RPTOR: variants seen among roughly 807,000 people sequenced by gnomAD.
RPTOR encodes the protein regulatory-associated protein of mTOR.
A neutral mutation model predicts 169.9 loss-of-function variants in RPTOR; 21 were observed. That is an observed-to-expected ratio of 0.12 (90% CI 0.09 to 0.18). The LOEUF (loss-of-function observed/expected upper bound fraction) is 0.18. RPTOR is among the 10% of genes least tolerant of loss of function. The pLI is 1.00. For missense variants in RPTOR, 1,133 were observed against 1,855.9 expected (o/e 0.61, Z 7.16); for synonymous variants, 732 against 753.2 (o/e 0.97, Z 0.46).
intron 5 of RPTOR, among the ~76,000 whole-genome samples, chr17:80,748,458 G>A (rs186220436): frequency 8.2e-5 from 4 of 48,526 alleles, no homozygotes; most frequent in African/African-American, 5.0e-4. Context: ...GGATGGGGGG[G>A]CTGCGGTGTG....
At chr17:80,776,354 A>T (rs2066892277) in intron 6 of RPTOR, among the ~76,000 whole-genome samples, 1 of 113,586 alleles carries the variant, frequency 8.8e-6, no homozygotes, top group Admixed American at 1.3e-4. Context: ...ATGGAGTCTC[A>T]CTCTGTCTTC....
intron 3 of RPTOR, among the ~76,000 whole-genome samples, chr17:80,672,660 G>A (rs1351010708): frequency 3.3e-5 from 5 of 151,880 alleles, no homozygotes. Flanking sequence ...TGTGGTGACA[G>A]GCACCTGTAG....
intron 3 of RPTOR, among the ~76,000 whole-genome samples, chr17:80,649,835 A>T (rs2065625713): frequency 6.6e-6 from 1 of 152,142 alleles, no homozygotes; most frequent in Non-Finnish European, 1.5e-5. Flanking sequence ...TGCCGTGTTC[A>T]GTGAGAACTC....
chr17:80,921,675 G>A (rs572744171), intron 21 of RPTOR, among the ~76,000 whole-genome samples: 21 of 152,188 alleles, frequency 1.4e-4, no homozygotes, highest in Non-Finnish European at 2.8e-4. Context: ...CCCTGCAGGT[G>A]TCTGTGGCAG....
chr17:80,590,849 A>G lies in RPTOR; in HGVS notation c.163-34842A>G, dbSNP rs116359089. On this transcript the variant is annotated intron_variant, in intron 1 of 33. Coordinates refer to ENST00000306801, the MANE Select transcript of RPTOR (RefSeq NM_020761.3). ...ATATGAGTTTGAGGAGTGTTTTTCT[A>G]TTTTTTTTCTGCCTCTGGCTTTTAG... is the stretch of plus-strand genomic sequence containing the variant. Among the ~76,000 whole-genome samples, 1,262 of 149,136 alleles carry G rather than the reference A, an allele frequency of 8.5e-3. 23 individuals carry two copies. The highest frequency in any genetic ancestry group is 0.029 in the African/African-American group (1,165 of 40,486).
At chr17:80,574,476 T>G (rs961094761) in intron 1 of RPTOR, among the ~76,000 whole-genome samples, 5 of 152,028 alleles carry the variant, frequency 3.3e-5, no homozygotes, top group African/African-American at 1.2e-4. Context: ...GGTTTTTTTT[T>G]TCTTTTTGAG....
At position 80,957,317 on chromosome 17, in the gene RPTOR, C is replaced by T. The variant is rs190566170; in HGVS notation, c.3371-307C>T. 3.9e-3 allele frequency among the ~76,000 whole-genome samples: 574 copies of T among 148,670 alleles called. 8 individuals carry two copies. Among genetic ancestry groups the T allele is most frequent in the South Asian group, 0.019 (88 of 4,524 alleles). ...GAGTTCCAGCTTAGAATTGTCACCC[C>T]GGCCTGGACTTGGGAGTTCCAGCTT... On this transcript the variant is annotated intron_variant, in intron 28 of 33. Coordinates refer to ENST00000306801, the MANE Select transcript of RPTOR (RefSeq NM_020761.3). The surrounding 1 kb of genome is among the most constrained non-coding windows in gnomAD (Gnocchi z 4.6).
At chr17:80,718,443 T>C (rs1231579073) in intron 4 of RPTOR, among the ~76,000 whole-genome samples, 1 of 152,222 alleles carries the variant, frequency 6.6e-6, no homozygotes, top group African/African-American at 2.4e-5. Context: ...TTCTGATTGT[T>C]GGTTATAAGT....
At chr17:80,787,305 A>G (rs1312229254) in intron 6 of RPTOR, among the ~76,000 whole-genome samples, 3 of 152,184 alleles carry the variant, frequency 2.0e-5, no homozygotes, top group African/African-American at 7.2e-5. Context: ...GTTCCTCCAT[A>G]TTGATGTGTG....
chr17:80,763,382 A>G (rs138861448), intron 6 of RPTOR, among the ~76,000 whole-genome samples: 56 of 152,358 alleles, frequency 3.7e-4, no homozygotes, highest in African/African-American at 1.2e-3. Flanking sequence ...AAGCTGAGAT[A>G]AATTATTGAG....
chr17:80,832,360 C>G (rs577544205), intron 9 of RPTOR, among the ~76,000 whole-genome samples: 186 of 152,242 alleles, frequency 1.2e-3, no homozygotes, highest in African/African-American at 4.3e-3. Flanking sequence ...GTGGGAAGGC[C>G]GCGAGGAGTG....
At chr17:80,855,385 T>C in intron 11 of RPTOR, 79 bp from the exon 12 acceptor site, 1 of 1,055,934 alleles carries the variant, frequency 9.5e-7, no homozygotes, top group Non-Finnish European at 1.5e-6. Flanking sequence ...GCTCCAAAGC[T>C]GGCAGCTCAT....
intron 21 of RPTOR, among the ~76,000 whole-genome samples, chr17:80,913,070 A>G (rs1004941626): frequency 3.9e-5 from 6 of 152,188 alleles, no homozygotes; most frequent in Non-Finnish European, 8.8e-5. Flanking sequence ...GTTTAAGAGT[A>G]AACATTGCTA....
At chr17:80,898,673 CCCA>C (rs1309061286) in intron 20 of RPTOR, among the ~76,000 whole-genome samples, 3 of 120,776 alleles carry the variant, frequency 2.5e-5, no homozygotes, top group African/African-American at 9.3e-5. Flanking sequence ...CCCCGCTCCC[CCCA>C]CCCCCCGCCG....
At chr17:80,800,987 G>A (rs918007079) in intron 7 of RPTOR, among the ~76,000 whole-genome samples, 3 of 152,246 alleles carry the variant, frequency 2.0e-5, no homozygotes, top group Non-Finnish European at 4.4e-5. Context: ...TGCCCCGTGT[G>A]GCCCAGGGAC....
chr17:80,610,951 A>G (rs968307163), intron 1 of RPTOR, among the ~76,000 whole-genome samples: 2 of 152,214 alleles, frequency 1.3e-5, no homozygotes, highest in African/African-American at 4.8e-5. Flanking sequence ...TCTGTTTAAT[A>G]TAATGGGTTT....
At chr17:80,679,510 G>C (rs535565205) in intron 3 of RPTOR, among the ~76,000 whole-genome samples, 2 of 152,134 alleles carry the variant, frequency 1.3e-5, no homozygotes, top group Admixed American at 1.3e-4. Flanking sequence ...GCCTTTACAG[G>C]CCCGTTTGAA....
intron 3 of RPTOR, among the ~76,000 whole-genome samples, chr17:80,696,036 T>C (rs770346840): frequency 2.0e-5 from 3 of 152,228 alleles, no homozygotes; most frequent in Non-Finnish European, 4.4e-5. Flanking sequence ...CAAGGTGGCA[T>C]CTGGCGACTG....
intron 17 of RPTOR, among the ~76,000 whole-genome samples, chr17:80,888,179 A>G (rs1693956341): frequency 6.6e-6 from 1 of 152,184 alleles, no homozygotes; most frequent in African/African-American, 2.4e-5. Flanking sequence ...CAGTGGCACA[A>G]TCTCGGCTCA....
Sources: gnomAD v4.1 joint callset for allele counts (sites outside exome capture counted in the v4.1 genomes callset) on GRCh38, gnomAD v4.1.1 for gene constraint, Gnocchi (gnomAD v3.1) non-coding constraint, MANE v1.5 for transcripts, NCBI Gene and HGNC (gene_info 2026-07-23, HGNC 2026-07-21) for gene names.